Variants in KDM2A observed in about 807,000 individuals in gnomAD.
KDM2A encodes the protein lysine demethylase 2A.
Under a neutral mutation model 137.3 loss-of-function variants are expected in KDM2A, and 3 were observed. The ratio of observed to expected loss-of-function variants is 0.02; its 90% CI spans 0.01 to 0.06. KDM2A has a LOEUF of 0.06. Ranked by LOEUF, KDM2A falls within the 10% of genes least tolerant of loss-of-function variation. The probability of loss-of-function intolerance (pLI) is 1.00; values close to 1 mark genes in which losing one functional copy is unlikely to be tolerated. For synonymous variants in KDM2A, 512 were observed against 541.5 expected (o/e 0.95, Z 0.76); for missense variants, 738 against 1,510.6 (o/e 0.49, Z 8.48).
intron 2 of KDM2A, among the ~76,000 whole-genome samples, chr11:67,129,979 TGTGAGACAGTTTCAC>T (rs1379474543): frequency 7.3e-5 from 11 of 151,636 alleles, no homozygotes; most frequent in Admixed American, 7.2e-4. Flanking sequence ...TTTTTTCTTT[TGTGAGACAGTTTCAC>T]TGTGGTCACT....
At chr11:67,208,232 T>C (rs935321676) in intron 6 of KDM2A, among the ~76,000 whole-genome samples, 12 of 151,286 alleles carry the variant, frequency 7.9e-5, no homozygotes, top group Admixed American at 5.9e-4. Flanking sequence ...AAATTTATTA[T>C]TATTAAAAAA....
intron 2 of KDM2A, among the ~76,000 whole-genome samples, chr11:67,159,747 ACT>A (rs1856594747): frequency 6.6e-6 from 1 of 152,118 alleles, no homozygotes; most frequent in South Asian, 2.1e-4. Flanking sequence ...AGAGATTTCT[ACT>A]CTCACATACC....
At chr11:67,165,599 GAAAGCTTCCTGATGAGAGGAATGTAGC>G (rs1157738263) in intron 2 of KDM2A, among the ~76,000 whole-genome samples, 7 of 152,324 alleles carry the variant, frequency 4.6e-5, no homozygotes, top group Admixed American at 4.6e-4. Context: ...GATCATGTAG[GAAAGCTTCCTGATGAGAGGAATGTAGC>G]AAAGCTGGAA....
intron 2 of KDM2A, among the ~76,000 whole-genome samples, chr11:67,150,785 A>T (rs1407160432): frequency 6.6e-6 from 1 of 151,856 alleles, no homozygotes; most frequent in Non-Finnish European, 1.5e-5. Flanking sequence ...TGGGCAACAG[A>T]GCAAGACCCC....
At chr11:67,220,593 A>G (rs1346065424) in intron 10 of KDM2A, among the ~76,000 whole-genome samples, 7 of 152,308 alleles carry the variant, frequency 4.6e-5, no homozygotes, top group East Asian at 3.9e-4. Context: ...TTTCTCTAGG[A>G]TGATACACAG....
intron 6 of KDM2A, among the ~76,000 whole-genome samples, chr11:67,209,930 T>G (rs1857927623): frequency 6.6e-6 from 1 of 152,054 alleles, no homozygotes; most frequent in Non-Finnish European, 1.5e-5. Context: ...CATGGTGGCA[T>G]GCACCTGTAG....
At chr11:67,251,434 G>A (rs937355307) in intron 17 of KDM2A, among the ~76,000 whole-genome samples, 22 of 152,192 alleles carry the variant, frequency 1.4e-4, no homozygotes, top group African/African-American at 4.8e-4. Flanking sequence ...AAAATTGCTA[G>A]TGATGATGAA....
At chr11:67,206,710 C>T (rs563570388) in intron 5 of KDM2A, among the ~76,000 whole-genome samples, 1 of 152,358 alleles carries the variant, frequency 6.6e-6, no homozygotes, top group Admixed American at 6.5e-5. Flanking sequence ...GCACTCCAGC[C>T]TGAGCGACAG....
intron 3 of KDM2A, 48 bp downstream of exon 3, chr11:67,180,265 C>T: frequency 6.3e-7 from 1 of 1,587,098 alleles, no homozygotes; most frequent in Non-Finnish European, 8.6e-7. Flanking sequence ...TGTGGGAAGC[C>T]ATAGACTCTG....
chr11:67,250,513 A>G lies in KDM2A; in HGVS notation c.2483A>G (p.Asn828Ser). The G allele has an allele frequency of 6.2e-7, 1 of 1,613,936 alleles. No individual in the cohort carries two copies. Among genetic ancestry groups the G allele is most frequent in the Non-Finnish European group, 8.5e-7 (1 of 1,179,852 alleles). The part of the protein sequence containing the change: ...KLQAITASSA[N>S]LRHSPRVLVQ... ...CAGGCCATCACGGCCTCCTCTGCCA[A>G]CCTTCGCCATTCCCCCCGTGTGCTA... Residue 828 changes from asparagine (N) to serine (S), a missense_variant, in exon 17 of 21, where the codon AAC becomes AGC. Coordinates refer to ENST00000529006, the MANE Select transcript of KDM2A (RefSeq NM_012308.3). The surrounding 1 kb of genome is among the most constrained non-coding windows in gnomAD (Gnocchi z 7.1).
chr11:67,169,340 C>G (rs1395184896), intron 2 of KDM2A, among the ~76,000 whole-genome samples: 1 of 150,594 alleles, frequency 6.6e-6, no homozygotes, highest in Non-Finnish European at 1.5e-5. Flanking sequence ...ACATGAAAAT[C>G]TAATAGTGAC....
At chr11:67,169,322 A>T (rs1366570043) in intron 2 of KDM2A, among the ~76,000 whole-genome samples, 1 of 151,402 alleles carries the variant, frequency 6.6e-6, no homozygotes, top group African/African-American at 2.4e-5. Context: ...ATCGTATCAC[A>T]GTGTGAGACA....
intron 2 of KDM2A, among the ~76,000 whole-genome samples, chr11:67,128,123 C>T (rs1325664481): frequency 6.6e-6 from 1 of 151,474 alleles, no homozygotes; most frequent in Non-Finnish European, 1.5e-5. Flanking sequence ...TTACCTCAGC[C>T]TCCTGAGTGG....
At position 67,227,546 on chromosome 11, in the gene KDM2A, C is replaced by T. The variant is rs11227743; in HGVS notation, c.958-491C>T. On this transcript the variant is annotated intron_variant, in intron 10 of 20. Transcript: ENST00000529006. ...CAACCAAGACAGCTTCTTGGTGGTT[C>T]TAAATGGTCTTCCTCAAGTACCTTT... Among the ~76,000 whole-genome samples, 271 of 152,142 alleles carry T rather than the reference C, an allele frequency of 1.8e-3. 3 individuals are homozygous for T. In the East Asian group the frequency reaches 0.048, roughly 27 times the overall value.
At chr11:67,224,947 TTC>T (rs1858491603) in intron 10 of KDM2A, among the ~76,000 whole-genome samples, 1 of 141,364 alleles carries the variant, frequency 7.1e-6, no homozygotes, top group Non-Finnish European at 1.5e-5. Context: ...GTTCAAACAA[TTC>T]TCCTGCCCAG....
chr11:67,142,662 C>G (rs539403367), intron 2 of KDM2A, among the ~76,000 whole-genome samples: 1 of 151,378 alleles, frequency 6.6e-6, no homozygotes, highest in Non-Finnish European at 1.5e-5. Flanking sequence ...CGAGATTGCA[C>G]CATCGCACTC....
At chr11:67,253,351 C>T in intron 18 of KDM2A, 102 bp from the exon 19 acceptor site, 2 of 994,302 alleles carry the variant, frequency 2.0e-6, no homozygotes, top group Non-Finnish European at 3.1e-6. Flanking sequence ...TAGTCCTTCT[C>T]TCCTATTAGA....
chr11:67,127,699 A>T (rs1047270905), intron 2 of KDM2A, among the ~76,000 whole-genome samples: 3 of 151,800 alleles, frequency 2.0e-5, no homozygotes, highest in South Asian at 2.1e-4. Flanking sequence ...TTTTTAAATT[A>T]ATTAATTTAT....
intron 13 of KDM2A, 31 bp downstream of exon 13, chr11:67,243,123 T>TTAA: frequency 2.0e-6 from 3 of 1,511,728 alleles, no homozygotes; most frequent in Non-Finnish European, 2.8e-6. Flanking sequence ...ATCTTTAGGC[T>TTAA]GCTTAAGCCT....
Sources: gnomAD v4.1 joint callset for allele counts (sites outside exome capture counted in the v4.1 genomes callset) on GRCh38, gnomAD v4.1.1 for gene constraint, Gnocchi (gnomAD v3.1) non-coding constraint, MANE v1.5 for transcripts, NCBI Gene and HGNC (gene_info 2026-07-23, HGNC 2026-07-21) for gene names.